The following TTLL11 variants were observed in gnomAD, a reference collection of about 807,000 sequenced individuals.
The protein encoded by TTLL11 is tubulin polyglutamylase TTLL11.
A neutral mutation model predicts 51.7 loss-of-function variants in TTLL11; 42 were observed. The observed-to-expected ratio is 0.81, with a 90% CI of 0.64 to 1.05. TTLL11 has a LOEUF of 1.05. TTLL11 is among the 50% of genes least tolerant of loss of function. The probability of loss-of-function intolerance (pLI) is 0.00; values close to 1 mark genes in which losing one functional copy is unlikely to be tolerated. For missense variants in TTLL11, 799 were observed against 940.4 expected (o/e 0.85, Z 1.97); for synonymous variants, 381 against 383.5 (o/e 0.99, Z 0.08).
chr9:121,899,365 G>GTATATATATATATATATATATATATATA (rs1554766915), intron 6 of TTLL11, among the ~76,000 whole-genome samples: 19 of 113,222 alleles, frequency 1.7e-4, no homozygotes, highest in Non-Finnish European at 1.8e-4. Context: ...ATGTGTGTGT[G>GTATATATATATATATATATATATATATA]TATATATATA....
At chr9:121,992,793 G>T (rs1296046122) in intron 3 of TTLL11, among the ~76,000 whole-genome samples, 3 of 152,268 alleles carry the variant, frequency 2.0e-5, no homozygotes, top group East Asian at 3.9e-4. Flanking sequence ...ACTTTATGTG[G>T]CTTTTACTGC....
chr9:121,964,950 G>A (rs1365930096), intron 6 of TTLL11, among the ~76,000 whole-genome samples: 3 of 152,130 alleles, frequency 2.0e-5, no homozygotes, highest in Non-Finnish European at 4.4e-5. Context: ...ATATTGATGC[G>A]TGGGTCTTGC....
At chr9:122,013,769 T>G (rs543596348) in intron 3 of TTLL11, among the ~76,000 whole-genome samples, 2 of 152,300 alleles carry the variant, frequency 1.3e-5, no homozygotes, top group South Asian at 4.1e-4. Flanking sequence ...GCTGTGATGC[T>G]GAGCCCCAGG....
chr9:122,090,003 T>A (rs1846217112), intron 1 of TTLL11, among the ~76,000 whole-genome samples: 1 of 150,660 alleles, frequency 6.6e-6, no homozygotes, highest in South Asian at 2.1e-4. Flanking sequence ...TATATGCCAA[T>A]GTGTTCTCTG....
chr9:122,037,699 C>T lies in TTLL11; in HGVS notation c.559+1573G>A, dbSNP rs1048511834. On this transcript the variant is annotated intron_variant, in intron 2 of 8. Transcript: ENST00000321582. ...CACCAATGTGGATCTTGTCCTTTTG[C>T]ACCTGAGCTTTCACTTGAGGAGCCA... Among the ~76,000 whole-genome samples the T allele has an allele frequency of 3.3e-5, 5 of 152,302 alleles. No homozygotes were observed. In the East Asian group the frequency reaches 7.7e-4, roughly 24 times the overall value.
intron 6 of TTLL11, among the ~76,000 whole-genome samples, chr9:121,968,393 T>C (rs774104765): frequency 2.0e-5 from 3 of 152,226 alleles, no homozygotes; most frequent in Admixed American, 6.5e-5. Context: ...GAACCTTGCA[T>C]TGGTAACCAG....
chr9:121,876,807 C>T (rs1255642979), intron 6 of TTLL11, among the ~76,000 whole-genome samples: 1 of 152,180 alleles, frequency 6.6e-6, no homozygotes, highest in Non-Finnish European at 1.5e-5. Context: ...TAGTAATGTA[C>T]ATTCTTGGAT....
intron 3 of TTLL11, among the ~76,000 whole-genome samples, chr9:122,013,590 T>C (rs1843879594): frequency 6.6e-6 from 1 of 152,158 alleles, no homozygotes; most frequent in African/African-American, 2.4e-5. Context: ...GCTTAGCCAA[T>C]ATCTGCTAGT....
chr9:121,892,521 C>T (rs950987354), intron 6 of TTLL11, among the ~76,000 whole-genome samples: 5 of 152,004 alleles, frequency 3.3e-5, no homozygotes, highest in Non-Finnish European at 7.4e-5. Flanking sequence ...TGGGGGAAAC[C>T]GCCTCCATTA....
chr9:121,939,383 G>A (rs370897142), intron 6 of TTLL11, among the ~76,000 whole-genome samples: 1 of 152,108 alleles, frequency 6.6e-6, no homozygotes, highest in Admixed American at 6.6e-5. Context: ...AAGCAAAAAG[G>A]CTGGTTGCCA....
chr9:122,071,187 T>C (rs1480749247), intron 1 of TTLL11, among the ~76,000 whole-genome samples: 1 of 152,192 alleles, frequency 6.6e-6, no homozygotes, highest in Non-Finnish European at 1.5e-5. Context: ...TGCATGTGAA[T>C]AGTCTCTTTA....
intron 6 of TTLL11, among the ~76,000 whole-genome samples, chr9:121,916,587 G>C (rs1264254659): frequency 6.6e-6 from 1 of 152,166 alleles, no homozygotes; most frequent in East Asian, 1.9e-4. Context: ...TACAGAAAAA[G>C]GAAAAATTCA....
At chr9:122,038,125 T>C (rs1042646017) in intron 2 of TTLL11, among the ~76,000 whole-genome samples, 2 of 152,060 alleles carry the variant, frequency 1.3e-5, no homozygotes, top group Non-Finnish European at 2.9e-5. Context: ...TGGGAGGAAA[T>C]ATAGAAATAT....
intron 8 of TTLL11, among the ~76,000 whole-genome samples, chr9:121,824,419 T>A (rs1017523901): frequency 1.1e-4 from 16 of 141,124 alleles, no homozygotes; most frequent in African/African-American, 4.3e-4. Context: ...GAGGTTGCAG[T>A]GAGCCAAGAT....
At chr9:121,838,536 T>C (rs978955107) in intron 8 of TTLL11, among the ~76,000 whole-genome samples, 4 of 152,038 alleles carry the variant, frequency 2.6e-5, no homozygotes, top group African/African-American at 7.2e-5. Flanking sequence ...CTGGCCAACA[T>C]GGTGAAACCC....
intron 8 of TTLL11, among the ~76,000 whole-genome samples, chr9:121,856,391 G>A (rs139464605): frequency 7.9e-5 from 12 of 152,284 alleles, no homozygotes; most frequent in South Asian, 2.1e-4. Flanking sequence ...AATACTTGAC[G>A]TGTCTGTGTA....
chr9:121,879,765 A>AGT (rs1208998709), intron 6 of TTLL11, among the ~76,000 whole-genome samples: 1,624 of 59,764 alleles, frequency 0.027, 185 homozygotes, highest in East Asian at 0.037. Flanking sequence ...CCCTGAATCT[A>AGT]GACCAGGCTG....
At chr9:122,055,279 CA>C (rs1845265589) in intron 1 of TTLL11, among the ~76,000 whole-genome samples, 1 of 151,962 alleles carries the variant, frequency 6.6e-6, no homozygotes, top group Non-Finnish European at 1.5e-5. Flanking sequence ...CACATGATCA[CA>C]AGGTCCCACA....
Position 121,826,549 on chromosome 9 carries a change from ATGTGTGTG to A in TTLL11, c.1841-3678_1841-3671del, listed in dbSNP as rs1297234932. Among the ~76,000 whole-genome samples, 189 of 30,088 alleles carry A rather than the reference ATGTGTGTG, an allele frequency of 6.3e-3. 5 individuals carry two copies. Among genetic ancestry groups the A allele is most frequent in the Middle Eastern group, 0.052 (3 of 58 alleles). 19.7% of individuals were successfully genotyped at this position (30,088 alleles called of 152,430 possible). A position where few individuals can be genotyped will look rare whatever the true frequency, so the allele number is the denominator to read the frequency against. On this transcript the variant is annotated intron_variant, in intron 8 of 8. Transcript: ENST00000321582. ...TATATGTGTGTGTGTATATATATAT[ATGTGTGTG>A]TATATATATATATATATATATATAT...
Sources: gnomAD v4.1 joint callset for allele counts (sites outside exome capture counted in the v4.1 genomes callset) on GRCh38, gnomAD v4.1.1 for gene constraint, MANE v1.5 for transcripts, NCBI Gene and HGNC (gene_info 2026-07-23, HGNC 2026-07-21) for gene names.